Variants in PLCL1 observed in about 807,000 individuals in gnomAD.
PLCL1 encodes phospholipase C like 1 (inactive), also known as inactive phospholipase C-like protein 1.
Under a neutral mutation model 84.4 loss-of-function variants are expected in PLCL1, and 41 were observed. The ratio of observed to expected loss-of-function variants is 0.49; its 90% CI spans 0.38 to 0.63. The LOEUF (loss-of-function observed/expected upper bound fraction) is 0.63, where lower values mean the gene tolerates loss of function less well. PLCL1 is among the 30% of genes least tolerant of loss of function. PLCL1 has a pLI of 0.00. For missense variants in PLCL1, 1,206 were observed against 1,367.8 expected (o/e 0.88, Z 1.87); for synonymous variants, 490 against 488.3 (o/e 1.00, Z -0.05).
At chr2:198,050,380 C>T (rs967720101) in intron 1 of PLCL1, among the ~76,000 whole-genome samples, 1 of 151,972 alleles carries the variant, frequency 6.6e-6, no homozygotes, top group Admixed American at 6.6e-5. Flanking sequence ...ATCCTTTATC[C>T]CTCTTATGTC....
intron 5 of PLCL1, among the ~76,000 whole-genome samples, chr2:198,106,336 G>A (rs1693473376): frequency 1.3e-5 from 2 of 151,928 alleles, no homozygotes. Flanking sequence ...CAAGTGATAA[G>A]CCCCTACTAT....
intron 5 of PLCL1, among the ~76,000 whole-genome samples, chr2:198,146,006 C>T (rs1430809602): frequency 3.9e-5 from 6 of 152,160 alleles, no homozygotes; most frequent in Admixed American, 1.3e-4. Flanking sequence ...TCATTCAGCC[C>T]TTGGGCCAGT....
At chr2:198,095,320 AGTAT>A (rs1345039709) in intron 3 of PLCL1, among the ~76,000 whole-genome samples, 1 of 152,226 alleles carries the variant, frequency 6.6e-6, no homozygotes, top group Non-Finnish European at 1.5e-5. Flanking sequence ...TGAAGTAGGT[AGTAT>A]AGTCACAGAG....
chr2:197,971,060 C>CATA (rs1408710369), intron 1 of PLCL1, among the ~76,000 whole-genome samples: 2 of 152,198 alleles, frequency 1.3e-5, no homozygotes, highest in Non-Finnish European at 2.9e-5. Flanking sequence ...TTAGCAAGGT[C>CATA]ACTCCTTATG....
In PLCL1 at chr2:198,084,150, A is replaced by G. The variant is rs912124908; in HGVS notation, c.633A>G (p.Ala211=). 1 of 1,614,138 alleles carries G rather than the reference A, an allele frequency of 6.2e-7. No homozygotes were observed. The highest frequency in any genetic ancestry group is 8.5e-7 in the Non-Finnish European group (1 of 1,179,996). The change falls in exon 2 of 6, where the codon GCA becomes GCG. Residue 211 remains alanine (A), a synonymous_variant. Coordinates refer to ENST00000428675, the MANE Select transcript of PLCL1 (RefSeq NM_006226.4). ...LDLVANSADV[A]NIWVSGLRYL... ...TAGTTGCCAATTCAGCAGATGTGGCAAACATCTGGGTGTCTGGGTTACGGT... is the reference window on the plus strand; with the variant it reads ...TAGTTGCCAATTCAGCAGATGTGGCGAACATCTGGGTGTCTGGGTTACGGT...
intron 1 of PLCL1, among the ~76,000 whole-genome samples, chr2:198,055,109 A>G (rs113865150): frequency 6.6e-6 from 1 of 152,182 alleles, no homozygotes; most frequent in Non-Finnish European, 1.5e-5. Context: ...TCTCTTCCCA[A>G]ATACTTCTTA....
intron 3 of PLCL1, among the ~76,000 whole-genome samples, chr2:198,089,657 A>G (rs1202723830): frequency 6.6e-6 from 1 of 152,128 alleles, no homozygotes; most frequent in African/African-American, 2.4e-5. Flanking sequence ...ATATAGCCAC[A>G]CTTAGTTGCA....
At chr2:197,818,411 T>C (rs1217825623) in intron 1 of PLCL1, among the ~76,000 whole-genome samples, 1 of 152,044 alleles carries the variant, frequency 6.6e-6, no homozygotes, top group African/African-American at 2.4e-5. Context: ...AAAGTAGACT[T>C]GGAGGTTGGG....
intron 5 of PLCL1, among the ~76,000 whole-genome samples, chr2:198,119,277 TAA>T (rs1693817443): frequency 6.6e-6 from 1 of 152,038 alleles, no homozygotes; most frequent in African/African-American, 2.4e-5. Context: ...TAAATTCATT[TAA>T]GAGAGTTAAA....
chr2:198,101,719 A>G (rs1308796827), intron 4 of PLCL1, among the ~76,000 whole-genome samples: 2 of 152,050 alleles, frequency 1.3e-5, no homozygotes, highest in Admixed American at 6.6e-5. Flanking sequence ...CAATTTTACA[A>G]TTGGAACCAA....
chr2:198,064,686 G>A (rs1297948783), intron 1 of PLCL1, among the ~76,000 whole-genome samples: 2 of 152,046 alleles, frequency 1.3e-5, no homozygotes, highest in African/African-American at 2.4e-5. Flanking sequence ...TGTTTCCAGG[G>A]CCAAAAGGAG....
At chr2:198,110,110 T>C (rs1330968572) in intron 5 of PLCL1, among the ~76,000 whole-genome samples, 3 of 151,810 alleles carry the variant, frequency 2.0e-5, no homozygotes, top group African/African-American at 7.2e-5. Context: ...TGAATATAAC[T>C]ATTACCTCTT....
At chr2:198,123,858 A>G (rs1018258048) in intron 5 of PLCL1, among the ~76,000 whole-genome samples, 1 of 152,048 alleles carries the variant, frequency 6.6e-6, no homozygotes, top group Non-Finnish European at 1.5e-5. Flanking sequence ...TGAGGATCTG[A>G]GGTGGAACAG....
intron 1 of PLCL1, among the ~76,000 whole-genome samples, chr2:197,890,682 C>CTG (rs1687998798): frequency 2.9e-4 from 34 of 116,142 alleles, no homozygotes; most frequent in African/African-American, 1.3e-3. Flanking sequence ...TATTTTTTTG[C>CTG]TATATATATA....
chr2:197,909,811 G>A (rs1688449856), intron 1 of PLCL1, among the ~76,000 whole-genome samples: 1 of 152,154 alleles, frequency 6.6e-6, no homozygotes, highest in Non-Finnish European at 1.5e-5. Context: ...TATTCTTTGG[G>A]AAAATAAAAA....
chr2:198,127,917 G>T (rs1694028081), intron 5 of PLCL1, among the ~76,000 whole-genome samples: 1 of 151,884 alleles, frequency 6.6e-6, no homozygotes, highest in Admixed American at 6.6e-5. Context: ...AGTTTAGGTA[G>T]ATTTACTTAC....
At chr2:197,979,050 A>G (rs1168734128) in intron 1 of PLCL1, among the ~76,000 whole-genome samples, 1 of 152,212 alleles carries the variant, frequency 6.6e-6, no homozygotes, top group Non-Finnish European at 1.5e-5. Flanking sequence ...AGTTTCCACT[A>G]ATATCATTTG....
At chr2:198,090,542 GA>G (rs1325215465) in intron 3 of PLCL1, among the ~76,000 whole-genome samples, 1 of 152,006 alleles carries the variant, frequency 6.6e-6, no homozygotes, top group Non-Finnish European at 1.5e-5. Flanking sequence ...GAATGAAAAA[GA>G]AAAATTTCCA....
chr2:198,078,327 T>G (rs770543681), intron 1 of PLCL1, among the ~76,000 whole-genome samples: 43 of 152,168 alleles, frequency 2.8e-4, no homozygotes, highest in Non-Finnish European at 5.6e-4. Context: ...TTCTAGATTG[T>G]ATATTGTCTA....
Sources: gnomAD v4.1 joint callset for allele counts (sites outside exome capture counted in the v4.1 genomes callset) on GRCh38, gnomAD v4.1.1 for gene constraint, MANE v1.5 for transcripts, NCBI Gene and HGNC (gene_info 2026-07-23, HGNC 2026-07-21) for gene names.